EXD2: variants seen among roughly 807,000 people sequenced by gnomAD.
EXD2 encodes the protein exonuclease 3'-5' domain-containing protein 2.
In EXD2, 40 loss-of-function variants were observed where a neutral mutation model predicts 62.5. The ratio of observed to expected loss-of-function variants is 0.64; its 90% CI spans 0.50 to 0.83. EXD2 has a LOEUF of 0.83. Among genes scored for constraint, EXD2 ranks in the 40% least tolerant of loss-of-function variants. The pLI, the probability that EXD2 is intolerant of heterozygous loss-of-function variation, is 0.00. For synonymous variants in EXD2, 239 were observed against 291.9 expected (o/e 0.82, Z 1.85); for missense variants, 671 against 761.8 (o/e 0.88, Z 1.40).
chr14:69,236,552 G>A lies in EXD2; in HGVS notation c.1292+10G>A. 1 of 1,614,122 alleles carries A rather than the reference G, an allele frequency of 6.2e-7. No homozygotes were observed. Among genetic ancestry groups the A allele is most frequent in the Non-Finnish European group, 8.5e-7 (1 of 1,179,994 alleles). ...GAGACTCCTACATTCGGTGAGTGCA[G>A]CATTGGGCCACCCTGGTTGTCTGTG... On this transcript the variant is annotated intron_variant, in intron 8 of 9. Coordinates refer to ENST00000685843, the MANE Select transcript of EXD2 (RefSeq NM_001193360.2).
intron 2 of EXD2, chr14:69,208,754 T>G (rs1482626598): frequency 6.6e-6 from 1 of 152,254 alleles, no homozygotes; most frequent in African/African-American, 2.4e-5. Flanking sequence ...CTCTCTAAGT[T>G]CTACCTTTTT....
chr14:69,212,229 T>C (rs934390864), intron 3 of EXD2, among the ~76,000 whole-genome samples: 1 of 151,794 alleles, frequency 6.6e-6, no homozygotes. Flanking sequence ...ATACAAAAAT[T>C]AGCCAGGCGT....
At chr14:69,208,239 C>G (rs903515292) in intron 2 of EXD2, among the ~76,000 whole-genome samples, 4 of 112,416 alleles carry the variant, frequency 3.6e-5, no homozygotes, top group Non-Finnish European at 6.7e-5. Context: ...GAGACGGAGT[C>G]TCACTCTGTC....
rs1466235174 is a variant in EXD2 at position 69,236,425 on chromosome 14, C to G, written c.1175C>G (p.Pro392Arg). Residue 392 changes from proline to arginine, a missense_variant, in exon 8 of 10, where the codon CCC (proline) becomes CGC (arginine). Transcript: ENST00000685843. ...KGIGELVSEE[P>R]FVVKLRFEPA... is the part of the protein sequence containing the mutation. Reference sequence around the variant, plus strand: ...TCTTAAGAGCTGGTGAGTGAAGAGCCCTTTGTGGTGAAGCTACGGTTTGAA... The same window carrying G: ...TCTTAAGAGCTGGTGAGTGAAGAGCGCTTTGTGGTGAAGCTACGGTTTGAA... 1.9e-6 allele frequency: 3 copies of G among 1,613,980 alleles called. No homozygotes were observed. Among genetic ancestry groups the G allele is most frequent in the South Asian group, 1.1e-5 (1 of 91,064 alleles).
At chr14:69,207,173 A>G (rs1359522229) in intron 2 of EXD2, among the ~76,000 whole-genome samples, 1 of 152,178 alleles carries the variant, frequency 6.6e-6, no homozygotes, top group Non-Finnish European at 1.5e-5. Flanking sequence ...AGGCATGATT[A>G]TAATCCAGAA....
intron 1 of EXD2, among the ~76,000 whole-genome samples, chr14:69,200,048 G>A (rs1265382315): frequency 2.0e-5 from 3 of 152,124 alleles, no homozygotes; most frequent in African/African-American, 4.8e-5. Context: ...ACGTTAGGAC[G>A]GTTAGGATGG....
At chr14:69,210,352 A>G (rs1187882460) in intron 3 of EXD2, among the ~76,000 whole-genome samples, 4 of 152,164 alleles carry the variant, frequency 2.6e-5, no homozygotes, top group East Asian at 1.9e-4. Context: ...AACATCATTT[A>G]CTCTAAGCCA....
chr14:69,223,241 C>T (rs1172320212), intron 3 of EXD2, among the ~76,000 whole-genome samples: 3 of 152,158 alleles, frequency 2.0e-5, no homozygotes, highest in Admixed American at 6.5e-5. Context: ...CTCTCAAATT[C>T]AGAATGCCAG....
intron 5 of EXD2, among the ~76,000 whole-genome samples, chr14:69,231,876 A>T (rs113460438): frequency 3.4e-5 from 5 of 148,606 alleles, no homozygotes; most frequent in Admixed American, 6.8e-5. Flanking sequence ...GAGTACATTC[A>T]TAACAGTTTC....
At chr14:69,219,869 G>A (rs1049569004) in intron 3 of EXD2, among the ~76,000 whole-genome samples, 2 of 152,166 alleles carry the variant, frequency 1.3e-5, no homozygotes, top group Non-Finnish European at 2.9e-5. Flanking sequence ...ACAGTGTTCA[G>A]TAGATGTGGT....
At chr14:69,224,623 A>AT (rs199975954) in intron 3 of EXD2, among the ~76,000 whole-genome samples, 2 of 151,998 alleles carry the variant, frequency 1.3e-5, no homozygotes, top group African/African-American at 4.8e-5. Context: ...TCACCAAAAT[A>AT]TTTTTTTTAA....
chr14:69,209,030 C>G (rs1228034538), intron 2 of EXD2: 2 of 152,594 alleles, frequency 1.3e-5, no homozygotes, highest in Non-Finnish European at 2.9e-5. Context: ...ATACAAAATA[C>G]TTTGAAGAAG....
chr14:69,203,553 T>A (rs1208132122), intron 1 of EXD2, among the ~76,000 whole-genome samples: 2 of 152,200 alleles, frequency 1.3e-5, no homozygotes, highest in African/African-American at 4.8e-5. Flanking sequence ...TAAACACTTG[T>A]CATTGCAGAG....
Position 69,236,560 on chromosome 14 carries a change from C to A in EXD2, c.1292+18C>A, listed in dbSNP as rs1229269314. On this transcript the variant is annotated intron_variant, in intron 8 of 9. Coordinates refer to ENST00000685843, the MANE Select transcript of EXD2 (RefSeq NM_001193360.2). ...TACATTCGGTGAGTGCAGCATTGGG[C>A]CACCCTGGTTGTCTGTGGCAGATGG... The A allele has an allele frequency of 3.1e-6, 5 of 1,613,852 alleles. No homozygotes were observed. The highest frequency in any genetic ancestry group is 4.2e-6 in the Non-Finnish European group (5 of 1,179,924).
intron 1 of EXD2, among the ~76,000 whole-genome samples, chr14:69,202,860 A>C (rs1381715860): frequency 2.6e-5 from 4 of 152,224 alleles, no homozygotes; most frequent in African/African-American, 9.6e-5. Context: ...TTAAGTACAA[A>C]ATATAAATTA....
chr14:69,222,488 T>C (rs909904454), intron 3 of EXD2, among the ~76,000 whole-genome samples: 1 of 152,238 alleles, frequency 6.6e-6, no homozygotes, highest in African/African-American at 2.4e-5. Flanking sequence ...GGACTCGTTA[T>C]TCTTGCTCTC....
chr14:69,209,597 C>A lies in EXD2; in HGVS notation c.127C>A (p.Pro43Thr). The change falls in exon 3 of 10, where the codon CCA (proline) becomes ACA (threonine). Residue 43 changes from proline (P) to threonine (T), a missense_variant. Transcript: ENST00000685843. ...RSKTSPVTQQ[P>T]QQKVLGSREL... is the part of the protein sequence containing the mutation. Reference sequence around the variant, plus strand: ...TAAAACGAGTCCTGTGACCCAACAGCCACAGCAGAAAGTGCTGGGCAGTAG... The same window carrying A: ...TAAAACGAGTCCTGTGACCCAACAGACACAGCAGAAAGTGCTGGGCAGTAG... The A allele has an allele frequency of 1.9e-6, 3 of 1,550,530 alleles. No homozygotes were observed. The highest frequency in any genetic ancestry group is 2.6e-6 in the Non-Finnish European group (3 of 1,146,986).
chr14:69,207,205 T>C (rs998219330), intron 2 of EXD2, among the ~76,000 whole-genome samples: 4 of 152,124 alleles, frequency 2.6e-5, no homozygotes, highest in Admixed American at 6.6e-5. Context: ...TATGAAATTT[T>C]TTTTTTGGCC....
Position 69,237,725 on chromosome 14 carries a change from C to T in EXD2, c.1443C>T (p.Phe481=), listed in dbSNP as rs752389023. The T allele has an allele frequency of 2.5e-6, 4 of 1,613,998 alleles. No individual in the cohort carries two copies. The South Asian group carries it at 4.4e-5, about 18-fold the overall frequency. ...NHLKQQLAKE[F]QAPIGSEEGL... is the part of the protein sequence containing the mutation. ...TGAAGCAGCAGCTGGCCAAGGAGTT[C>T]CAGGCCCCCATCGGCTCTGAGGAGG... Residue 481 remains phenylalanine (F), a synonymous_variant, in exon 9 of 10, where the codon TTC becomes TTT. Coordinates refer to ENST00000685843, the MANE Select transcript of EXD2 (RefSeq NM_001193360.2).
Sources: allele counts gnomAD v4.1 joint callset (sites outside exome capture counted in the v4.1 genomes callset), GRCh38; gene constraint gnomAD v4.1.1; transcripts MANE v1.5; gene names NCBI Gene and HGNC (gene_info 2026-07-23, HGNC 2026-07-21).